Variants in CASP8 observed in about 807,000 individuals in gnomAD.
CASP8 encodes caspase-8.
CASP8 carries 24 observed loss-of-function variants against 46.3 expected under a neutral mutation model. The ratio of observed to expected loss-of-function variants is 0.52; its 90% CI spans 0.38 to 0.73. The LOEUF is 0.73. CASP8 is among the 30% of genes least tolerant of loss of function. The pLI is 0.00. For synonymous variants in CASP8, 188 were observed against 200.4 expected (o/e 0.94, Z 0.52); for missense variants, 460 against 559.0 (o/e 0.82, Z 1.79).
At position 201,286,691 on chromosome 2, in the gene CASP8, C is replaced by T; in HGVS notation, c.*97C>T. 1 of 1,034,376 alleles carries T rather than the reference C, an allele frequency of 9.7e-7. No individual in the cohort carries two copies. The highest frequency in any genetic ancestry group is 1.4e-6 in the Non-Finnish European group (1 of 692,454). The allele number at this position is 1,034,376 out of a possible 1,614,324, so 64.1% of individuals were successfully genotyped here. ...AGTGCAGTGGCGTGATCTCGGCTCA[C>T]CGCAAGCTCCGCCTCCCGGGTTCAG... is the stretch of plus-strand genomic sequence containing the variant. On this transcript the variant is annotated 3_prime_UTR_variant, in exon 9 of 9. Transcript: ENST00000673742.
At chr2:201,263,943 C>T (rs1947609172) in intron 1 of CASP8, among the ~76,000 whole-genome samples, 1 of 152,226 alleles carries the variant, frequency 6.6e-6, no homozygotes, top group South Asian at 2.1e-4. Flanking sequence ...GCAGCTCTCA[C>T]TGTCACCTCC....
At chr2:201,280,780 C>CA (rs2125375996) in intron 7 of CASP8, among the ~76,000 whole-genome samples, 1 of 152,264 alleles carries the variant, frequency 6.6e-6, no homozygotes, top group African/African-American at 2.4e-5. Context: ...CAGAAGGATG[C>CA]AGTGCTCTGG....
chr2:201,284,754 T>C, intron 7 of CASP8, 62 bp from the exon 8 acceptor site: 1 of 1,483,446 alleles, frequency 6.7e-7, no homozygotes, highest in East Asian at 2.7e-5. Flanking sequence ...CCCACTGTGC[T>C]CTCCAGCTGT....
upstream of CASP8, chr2:201,258,238 G>A (rs1277721705): frequency 6.2e-7 from 1 of 1,606,878 alleles, no homozygotes; most frequent in Non-Finnish European, 8.5e-7. Flanking sequence ...GGCCATGGAG[G>A]GAGGCAGAAG....
chr2:201,258,431 T>A, upstream of CASP8: 1 of 1,611,346 alleles, frequency 6.2e-7, no homozygotes, highest in South Asian at 1.1e-5. Flanking sequence ...ACCACAATAT[T>A]TTTGTTTCTT....
upstream of CASP8, chr2:201,258,279 CTT>C: frequency 6.2e-7 from 1 of 1,614,024 alleles, no homozygotes; most frequent in Non-Finnish European, 8.5e-7. Flanking sequence ...GTAAAAGAAA[CTT>C]CTTCCTGGGA....
chr2:201,283,290 G>A (rs370082678), intron 7 of CASP8, among the ~76,000 whole-genome samples: 1 of 90,380 alleles, frequency 1.1e-5, no homozygotes, highest in African/African-American at 3.9e-5. Context: ...CCTCCCTCCT[G>A]GACGGGGCGA....
chr2:201,266,895 A>T lies in CASP8; in HGVS notation c.305+104A>T. 4 of 746,140 alleles carry T rather than the reference A, an allele frequency of 5.4e-6. No homozygotes were observed. Among genetic ancestry groups the T allele is most frequent in the Non-Finnish European group, 8.6e-6 (4 of 462,528 alleles). The allele number at this position is 746,140 out of a possible 1,614,324, so 46.2% of individuals were successfully genotyped here. A position where few individuals can be genotyped will look rare whatever the true frequency, so the allele number is the denominator to read the frequency against. The stretch of plus-strand genomic sequence containing the variant: ...GTGGTACCCTGCCTAGTGCCTGGGA[A>T]CCCAGCAGTGCCACAATTCTAAGCT... On this transcript the variant is annotated intron_variant, in intron 2 of 8. Coordinates refer to ENST00000673742, the MANE Select transcript of CASP8 (RefSeq NM_001372051.1). This position sits in a 1 kb window ranked among gnomAD's most constrained non-coding sequence, Gnocchi z 5.7.
intron 1 of CASP8, among the ~76,000 whole-genome samples, chr2:201,261,515 G>A (rs1357400090): frequency 6.6e-6 from 1 of 152,168 alleles, no homozygotes; most frequent in Non-Finnish European, 1.5e-5. Context: ...AGGTGAAGTT[G>A]CAAGTTTCAT....
chr2:201,265,083 T>G (rs1283748084), intron 1 of CASP8, among the ~76,000 whole-genome samples: 1 of 152,138 alleles, frequency 6.6e-6, no homozygotes, highest in African/African-American at 2.4e-5. Flanking sequence ...TTTTTAAAAA[T>G]TTTCTTTCAG....
At chr2:201,274,852 A>G (rs1948522426) in intron 5 of CASP8, 37 bp from the exon 6 acceptor site, 1 of 1,494,906 alleles carries the variant, frequency 6.7e-7, no homozygotes, top group African/African-American at 1.4e-5. Context: ...CTTTCCTGCC[A>G]TGTCTCATTC....
chr2:201,270,939 G>A (rs1948203642), intron 2 of CASP8, among the ~76,000 whole-genome samples: 1 of 152,170 alleles, frequency 6.6e-6, no homozygotes. Context: ...GTTCATGGAT[G>A]GGCCTCTGCA....
intron 2 of CASP8, among the ~76,000 whole-genome samples, chr2:201,234,862 G>A (rs1276260217): frequency 6.6e-6 from 1 of 152,008 alleles, no homozygotes; most frequent in African/African-American, 2.4e-5. Flanking sequence ...TTATTTCTTG[G>A]TTAAGTTCCT....
At chr2:201,282,130 TG>T (rs1949087016) in intron 7 of CASP8, among the ~76,000 whole-genome samples, 1 of 59,610 alleles carries the variant, frequency 1.7e-5, no homozygotes, top group African/African-American at 5.8e-5. Flanking sequence ...TAGGGAGTGG[TG>T]ATGACTCTTA....
intron 2 of CASP8, among the ~76,000 whole-genome samples, chr2:201,238,819 G>T (rs910493441): frequency 6.6e-6 from 1 of 151,978 alleles, no homozygotes; most frequent in South Asian, 2.1e-4. Flanking sequence ...TCACAGAGGA[G>T]GATTTGGCAG....
intron 2 of CASP8, among the ~76,000 whole-genome samples, chr2:201,268,956 T>TGTGTGTGA (rs1553602753): frequency 1.4e-4 from 19 of 133,266 alleles, no homozygotes; most frequent in East Asian, 7.9e-4. Context: ...TGTGTGTGTG[T>TGTGTGTGA]GAGACAGTGT....
At chr2:201,264,432 TACCTGGGGTCTTGCC>T (rs1559347515) in intron 1 of CASP8, among the ~76,000 whole-genome samples, 1 of 151,926 alleles carries the variant, frequency 6.6e-6, no homozygotes, top group Admixed American at 6.6e-5. Context: ...GGGGTCTTGC[TACCTGGGGTCTTGCC>T]ACCTGGGGTC....
At position 201,285,181 on chromosome 2, in the gene CASP8, A is replaced by C. The variant is rs1159548462; in HGVS notation, c.1168A>C (p.Thr390Pro). Residue 390 changes from threonine (T) to proline (P), a missense_variant, in exon 8 of 9, where the codon ACG (threonine) becomes CCG (proline). Thr to Pro is a conservative substitution (Grantham distance 38). Transcript: ENST00000673742. ...AGAAATGGATTTATCATCACCTCAA[A>C]CGAGATATATCCCGGATGAGGCTGA... ...YLEMDLSSPQTRYIPDEADFL... is the reference protein window; with the variant it reads ...YLEMDLSSPQPRYIPDEADFL... The C allele has an allele frequency of 6.2e-7, 1 of 1,614,146 alleles. No homozygotes were observed. Among genetic ancestry groups the C allele is most frequent in the East Asian group, 2.2e-5 (1 of 44,884 alleles).
At chr2:201,252,401 G>A (rs921745588) in intron 2 of CASP8, among the ~76,000 whole-genome samples, 2 of 152,006 alleles carry the variant, frequency 1.3e-5, no homozygotes, top group African/African-American at 4.8e-5. Flanking sequence ...TCAGCCTCCC[G>A]AGTAGCTGGG....
Sources: gnomAD v4.1 joint callset for allele counts (sites outside exome capture counted in the v4.1 genomes callset) on GRCh38, gnomAD v4.1.1 for gene constraint, Gnocchi (gnomAD v3.1) non-coding constraint, MANE v1.5 for transcripts, NCBI Gene and HGNC (gene_info 2026-07-23, HGNC 2026-07-21) for gene names.